Variants in FER1L5 observed in about 807,000 individuals in gnomAD.
FER1L5 encodes fer-1-like protein 5.
In FER1L5, 187 loss-of-function variants were observed where a neutral mutation model predicts 279.9. The observed-to-expected ratio is 0.67, with a 90% CI of 0.59 to 0.75. FER1L5 has a LOEUF of 0.75. Ranked by LOEUF, FER1L5 falls within the 30% of genes least tolerant of loss-of-function variation. FER1L5 has a pLI of 0.00. For synonymous variants in FER1L5, 921 were observed against 989.7 expected (o/e 0.93, Z 1.30); for missense variants, 2,091 against 2,594.4 (o/e 0.81, Z 4.21).
At chr2:96,651,245 T>TTCTTTC (rs2075354684) in intron 6 of FER1L5, among the ~76,000 whole-genome samples, 1 of 62,264 alleles carries the variant, frequency 1.6e-5, no homozygotes, top group South Asian at 4.2e-4. Flanking sequence ...TTCTCTTTCT[T>TTCTTTC]TCTTTCTTTC....
rs1330850388 is a variant in FER1L5, at chr2:96,702,772, G to A, written c.5397+31G>A. 1.2e-6 allele frequency: 2 copies of A among 1,609,578 alleles called. No individual in the cohort carries two copies. Among genetic ancestry groups the A allele is most frequent in the Non-Finnish European group, 1.7e-6 (2 of 1,178,390 alleles). On this transcript the variant is annotated intron_variant, in intron 48 of 52. Transcript: ENST00000624922. This position sits in a 1 kb window ranked among gnomAD's most constrained non-coding sequence, Gnocchi z 4.0. ...AGGCCTGGGGCGTGAGGGGCAACAGGCCACAACAAACAGACCCAGGCTCCT... is the reference window on the plus strand; with the variant it reads ...AGGCCTGGGGCGTGAGGGGCAACAGACCACAACAAACAGACCCAGGCTCCT...
At chr2:96,664,353 C>G (rs150224034) in intron 14 of FER1L5, among the ~76,000 whole-genome samples, 6 of 152,156 alleles carry the variant, frequency 3.9e-5, no homozygotes, top group East Asian at 3.8e-4. Flanking sequence ...TATTCCACCC[C>G]CTCCCATCCC....
chr2:96,704,427 C>T (rs2077711390), intron 52 of FER1L5, 41 bp from the exon 53 acceptor site: 1 of 1,612,806 alleles, frequency 6.2e-7, no homozygotes, highest in Non-Finnish European at 8.5e-7. Context: ...ACAGCGTCTT[C>T]AGCTTGCCAC....
intron 19 of FER1L5, among the ~76,000 whole-genome samples, chr2:96,675,931 T>G (rs888081676): frequency 2.6e-5 from 4 of 152,090 alleles, no homozygotes; most frequent in African/African-American, 9.7e-5. Flanking sequence ...CCCGGTTGAT[T>G]ATCAATTTTA....
intron 9 of FER1L5, among the ~76,000 whole-genome samples, chr2:96,657,138 G>A (rs376180103): frequency 4.0e-5 from 6 of 150,770 alleles, no homozygotes; most frequent in East Asian, 3.9e-4. Flanking sequence ...GCTGTGGCAC[G>A]ATCTTGGCTC....
At chr2:96,643,717 G>C (rs528945237) in intron 1 of FER1L5, among the ~76,000 whole-genome samples, 1 of 150,620 alleles carries the variant, frequency 6.6e-6, no homozygotes, top group South Asian at 2.1e-4. Flanking sequence ...AATGAAGCAA[G>C]TTTTATTATC....
intron 24 of FER1L5, among the ~76,000 whole-genome samples, chr2:96,688,577 G>A (rs2077022350): frequency 6.6e-6 from 1 of 152,208 alleles, no homozygotes; most frequent in Non-Finnish European, 1.5e-5. Flanking sequence ...GGGGAAATAA[G>A]GTTTGAGCGT....
intron 24 of FER1L5, chr2:96,688,918 T>C (rs2077035448): frequency 3.2e-6 from 1 of 317,398 alleles, no homozygotes; most frequent in East Asian, 8.9e-5. Context: ...CTCCCTCCCC[T>C]TCACCCCAGA....
rs757825382 is a variant in FER1L5 at position 96,691,276 on chromosome 2, C to T, written c.2830C>T (p.Arg944Trp). 4.6e-5 allele frequency: 71 copies of T among 1,550,456 alleles called. No individual in the cohort carries two copies. The highest frequency in any genetic ancestry group is 5.9e-5 in the Admixed American group (3 of 50,976). The change falls in exon 28 of 53, where the codon CGG (arginine) becomes TGG (tryptophan). Residue 944 changes from arginine to tryptophan, a missense_variant. By Grantham distance (101) the Arg-to-Trp change is moderately radical. Coordinates refer to ENST00000624922, the MANE Select transcript of FER1L5 (RefSeq NM_001293083.2). This position sits in a 1 kb window ranked among gnomAD's most constrained non-coding sequence, Gnocchi z 6.0. ...VEKTYHSCRR[R>W]RWARVRFRNH... ...GAAGACCTACCACTCGTGCCGCCGCCGGCGCTGGGCGCGTGTGCGCTTCAG... is the reference window on the plus strand; with the variant it reads ...GAAGACCTACCACTCGTGCCGCCGCTGGCGCTGGGCGCGTGTGCGCTTCAG...
At position 96,681,790 on chromosome 2, in the gene FER1L5, TTA is replaced by T. The variant is rs1466640070; in HGVS notation, c.1670-2535_1670-2534del. Among the ~76,000 whole-genome samples the T allele has an allele frequency of 3.3e-5, 5 of 151,768 alleles. No homozygotes were observed. The South Asian group carries it at 6.2e-4, about 19-fold the overall frequency. ...GAGATTATTTTATTTATTTATTTAT[TTA>T]TTTATTTATTTATTTGAGAAGGAGT... On this transcript the variant is annotated intron_variant, in intron 19 of 52. Coordinates refer to ENST00000624922, the MANE Select transcript of FER1L5 (RefSeq NM_001293083.2).
In FER1L5 at chr2:96,689,673, G is replaced by C; in HGVS notation, c.2555G>C (p.Ser852Thr). 6.4e-7 allele frequency: 1 copy of C among 1,551,190 alleles called. No individual in the cohort carries two copies. Among genetic ancestry groups the C allele is most frequent in the Non-Finnish European group, 8.7e-7 (1 of 1,146,926 alleles). Residue 852 changes from serine to threonine, a missense_variant, in exon 26 of 53, where the codon AGC (serine) becomes ACC (threonine). Coordinates refer to ENST00000624922, the MANE Select transcript of FER1L5 (RefSeq NM_001293083.2). The surrounding 1 kb of genome is among the most constrained non-coding windows in gnomAD (Gnocchi z 4.6). The stretch of plus-strand genomic sequence containing the variant: ...CTCCTGGACATAGACATCAACAAGA[G>C]CCAGGTGCTGGAGGAGGTATATGAG... ...RLLLDIDINK[S>T]QVLEEVYENQ...
At chr2:96,700,131 C>T (rs1255782286) in intron 44 of FER1L5, 51 bp downstream of exon 44, 8 of 1,604,588 alleles carry the variant, frequency 5.0e-6, no homozygotes, top group Non-Finnish European at 5.1e-6. Flanking sequence ...CCTCTGGAAG[C>T]TGTGAGGCTC....
At chr2:96,646,210 G>C (rs929319409) in intron 1 of FER1L5, among the ~76,000 whole-genome samples, 191 bp from the exon 2 acceptor site, 1 of 152,102 alleles carries the variant, frequency 6.6e-6, no homozygotes, top group African/African-American at 2.4e-5. Context: ...GTGTCAGCCA[G>C]GATGGTCCTG....
In FER1L5 at chr2:96,689,444, C is replaced by G. The variant is rs2077057197; in HGVS notation, c.2525+68C>G. ...CCTGGGAGGGCCAGTCCGCGGCAGC[C>G]CAGAAAGATGGGTACCTAGCCCCTA... is the stretch of plus-strand genomic sequence containing the variant. On this transcript the variant is annotated intron_variant, in intron 25 of 52. Transcript: ENST00000624922. This position sits in a 1 kb window ranked among gnomAD's most constrained non-coding sequence, Gnocchi z 4.6. The G allele has an allele frequency of 1.3e-6, 2 of 1,532,032 alleles. No individual in the cohort carries two copies. Among genetic ancestry groups the G allele is most frequent in the Admixed American group, 4.4e-5 (2 of 45,342 alleles). The allele number at this position is 1,532,032 out of a possible 1,614,324, so 94.9% of individuals were successfully genotyped here.
chr2:96,686,090 G>C lies in FER1L5; in HGVS notation c.2046G>C (p.Leu682=). ...KDMVATAEDW[L]YRLNTVLPEP... is the part of the protein sequence containing the mutation. ...TGGTGGCCACAGCGGAGGACTGGCT[G>C]TACCGCCTCAACACCGTGCTCCCTG... The change falls in exon 22 of 53, where the codon CTG becomes CTC. Residue 682 remains leucine, a synonymous_variant. Coordinates refer to ENST00000624922, the MANE Select transcript of FER1L5 (RefSeq NM_001293083.2). The C allele has an allele frequency of 1.3e-6, 2 of 1,551,374 alleles. No homozygotes were observed. Among genetic ancestry groups the C allele is most frequent in the Non-Finnish European group, 1.7e-6 (2 of 1,146,834 alleles).
chr2:96,688,494 G>A (rs761958451), intron 24 of FER1L5, among the ~76,000 whole-genome samples: 7 of 152,168 alleles, frequency 4.6e-5, no homozygotes, highest in Non-Finnish European at 5.9e-5. Flanking sequence ...GACTGCTCTA[G>A]AACCAGAGGA....
Position 96,687,205 on chromosome 2 carries a change from G to A in FER1L5, c.2230-611G>A, listed in dbSNP as rs184612327. Among the ~76,000 whole-genome samples the A allele has an allele frequency of 1.2e-4, 18 of 152,310 alleles. No individual in the cohort carries two copies. The East Asian group carries it at 3.3e-3, about 28-fold the overall frequency. On this transcript the variant is annotated intron_variant, in intron 23 of 52. Coordinates refer to ENST00000624922, the MANE Select transcript of FER1L5 (RefSeq NM_001293083.2). Reference sequence around the variant, plus strand: ...CCTTGCCACCTGGCCCCTGGCCCCTGTTCCTGCATCCATTCTCTCTGGCCC... The same window carrying A: ...CCTTGCCACCTGGCCCCTGGCCCCTATTCCTGCATCCATTCTCTCTGGCCC...
At position 96,702,600 on chromosome 2, in the gene FER1L5, G is replaced by A. The variant is rs1489745401; in HGVS notation, c.5256G>A (p.Gly1752=). 1.9e-6 allele frequency: 3 copies of A among 1,568,058 alleles called. No homozygotes were observed. The highest frequency in any genetic ancestry group is 2.6e-6 in the Non-Finnish European group (3 of 1,156,764). ...REKTSDIYIK[G]WLYGLEKDMQ... ...ACAGGTGATAGGACTCTGGCCCCAG[G>A]TGGTTATACGGGCTGGAGAAGGACA... The change falls in exon 48 of 53, where the codon GGG becomes GGA. Residue 1752 remains glycine, a splice_region_variant and synonymous_variant. Transcript: ENST00000624922. This position sits in a 1 kb window ranked among gnomAD's most constrained non-coding sequence, Gnocchi z 4.0.
chr2:96,704,640 C>T lies in FER1L5; in HGVS notation c.6122C>T (p.Pro2041Leu). Reference sequence around the variant, plus strand: ...CATGAGTGGAAACTCCACCCAGGACCCACAAATCACCTGAGTGATATTTTC... The same window carrying T: ...CATGAGTGGAAACTCCACCCAGGACTCACAAATCACCTGAGTGATATTTTC... ...IDHEWKLHPG[P>L]TNHLSDIFPE... is the part of the protein sequence containing the mutation. Residue 2041 changes from proline (P) to leucine (L), a missense_variant, in exon 53 of 53, where the codon CCC becomes CTC. Coordinates refer to ENST00000624922, the MANE Select transcript of FER1L5 (RefSeq NM_001293083.2). The T allele has an allele frequency of 6.2e-7, 1 of 1,613,982 alleles. No homozygotes were observed. The highest frequency in any genetic ancestry group is 1.1e-5 in the South Asian group (1 of 91,074).
Sources: gnomAD v4.1 joint callset for allele counts (sites outside exome capture counted in the v4.1 genomes callset) on GRCh38, gnomAD v4.1.1 for gene constraint, Gnocchi (gnomAD v3.1) non-coding constraint, MANE v1.5 for transcripts, NCBI Gene and HGNC (gene_info 2026-07-23, HGNC 2026-07-21) for gene names.